The following EPB41 variants were observed in gnomAD, a reference collection of about 807,000 sequenced individuals.
EPB41 encodes the protein protein 4.1.
EPB41 carries 65 observed loss-of-function variants against 108.0 expected under a neutral mutation model. The observed-to-expected ratio is 0.60, with a 90% confidence interval of 0.49 to 0.74. The LOEUF (loss-of-function observed/expected upper bound fraction) is 0.74. Ranked by LOEUF, EPB41 falls within the 30% of genes least tolerant of loss-of-function variation. EPB41 has a pLI of 0.00. For synonymous variants in EPB41, 336 were observed against 358.9 expected (o/e 0.94, Z 0.72); for missense variants, 875 against 1,037.0 (o/e 0.84, Z 2.15).
At chr1:28,908,491 G>T (rs1219779367) in intron 1 of EPB41, among the ~76,000 whole-genome samples, 1 of 150,942 alleles carries the variant, frequency 6.6e-6, no homozygotes, top group Non-Finnish European at 1.5e-5. Flanking sequence ...GAGTGCAGTG[G>T]CATGATCTCG....
rs114555150 is a variant in EPB41, at chr1:28,926,504, A to G, written c.-8+11736A>G. 7.5e-3 allele frequency among the ~76,000 whole-genome samples: 1,136 copies of G among 152,350 alleles called. 5 individuals are homozygous for G. The highest frequency in any genetic ancestry group is 0.011 in the Non-Finnish European group (715 of 68,028). On this transcript the variant is annotated intron_variant, in intron 1 of 20. Coordinates refer to ENST00000343067, the MANE Select transcript of EPB41 (RefSeq NM_001376013.1). Reference sequence around the variant, plus strand: ...TTCAAAGCCAGTATTTTTTACGACTATACCTTTACTTATGTCCATGAGTGG... The same window carrying G: ...TTCAAAGCCAGTATTTTTTACGACTGTACCTTTACTTATGTCCATGAGTGG...
At chr1:28,986,459 A>G (rs554877492) in intron 1 of EPB41, among the ~76,000 whole-genome samples, 1 of 152,302 alleles carries the variant, frequency 6.6e-6, no homozygotes, top group East Asian at 1.9e-4. Context: ...TGTTTGAAAT[A>G]TGTAAGGTCA....
intron 5 of EPB41, among the ~76,000 whole-genome samples, 194 bp from the exon 6 acceptor site, chr1:29,015,498 G>A (rs1430547004): frequency 6.6e-6 from 1 of 151,798 alleles, no homozygotes; most frequent in Non-Finnish European, 1.5e-5. Context: ...TGGAGGTTGT[G>A]GTGAGCAGAG....
chr1:29,091,287 A>G (rs1005340709), intron 16 of EPB41, among the ~76,000 whole-genome samples: 20 of 152,284 alleles, frequency 1.3e-4, no homozygotes, highest in African/African-American at 4.8e-4. Context: ...AGTTGTGACA[A>G]ATTATTTGAA....
chr1:29,096,280 G>A (rs892731306), intron 16 of EPB41: 13 of 985,840 alleles, frequency 1.3e-5, no homozygotes, highest in African/African-American at 1.7e-5. Context: ...TGACCACCTC[G>A]TCGGAGTCTC....
chr1:29,069,234 A>T, intron 16 of EPB41: 1 of 1,231,656 alleles, frequency 8.1e-7, no homozygotes, highest in Non-Finnish European at 1.0e-6. Context: ...TGAACTTCCA[A>T]ACTGATCAGA....
upstream of EPB41, chr1:28,911,054 G>C: frequency 1.0e-6 from 1 of 985,344 alleles, no homozygotes; most frequent in Non-Finnish European, 1.2e-6. Context: ...AGGGTGAGCT[G>C]GGACTGGATA....
intron 2 of EPB41, among the ~76,000 whole-genome samples, chr1:28,993,088 C>T (rs1381919708): frequency 1.3e-5 from 2 of 152,190 alleles, no homozygotes; most frequent in East Asian, 1.9e-4. Flanking sequence ...TGGTATCCTC[C>T]GGTTTACCTG....
chr1:28,908,172 C>T (rs949936324), intron 1 of EPB41, among the ~76,000 whole-genome samples: 4 of 151,760 alleles, frequency 2.6e-5, no homozygotes, highest in African/African-American at 9.7e-5. Context: ...GAGGCCGAGT[C>T]GGGCAGATCA....
In EPB41 at chr1:28,968,354, AAAACAAAC is replaced by A. The variant is rs373567645; in HGVS notation, c.-7-19057_-7-19050del. 8.5e-4 allele frequency among the ~76,000 whole-genome samples: 130 copies of A among 152,114 alleles called. 1 individual carries two copies. In the Middle Eastern group the frequency reaches 0.017, roughly 20 times the overall value. On this transcript the variant is annotated intron_variant, in intron 1 of 20. Coordinates refer to ENST00000343067, the MANE Select transcript of EPB41 (RefSeq NM_001376013.1). ...TAGCGATAGAGCAAGACTCCATCTC[AAAACAAAC>A]AAACAAACAAACAAACAAAACTCTG...
At chr1:29,060,989 G>A (rs998079436) in intron 15 of EPB41, among the ~76,000 whole-genome samples, 9 of 152,110 alleles carry the variant, frequency 5.9e-5, no homozygotes, top group African/African-American at 1.9e-4. Flanking sequence ...GGGGAGCCTA[G>A]CATTTAATAA....
At chr1:28,952,074 A>C (rs951385094) in intron 1 of EPB41, among the ~76,000 whole-genome samples, 4 of 152,200 alleles carry the variant, frequency 2.6e-5, no homozygotes, top group African/African-American at 9.6e-5. Flanking sequence ...GGGTAGGGTT[A>C]GAGGAAAAAC....
intron 16 of EPB41, among the ~76,000 whole-genome samples, chr1:29,089,904 G>A (rs955962487): frequency 2.0e-5 from 3 of 152,116 alleles, no homozygotes; most frequent in Admixed American, 6.6e-5. Flanking sequence ...TGAGAAAGAA[G>A]GAAGGAAGAA....
At chr1:29,111,383 G>A (rs1047424731) in intron 18 of EPB41, among the ~76,000 whole-genome samples, 3 of 151,664 alleles carry the variant, frequency 2.0e-5, no homozygotes, top group South Asian at 2.1e-4. Context: ...CAGGCTGGGC[G>A]CGGTGGCTCA....
At chr1:28,981,401 G>A (rs1190705115) in intron 1 of EPB41, among the ~76,000 whole-genome samples, 2 of 152,178 alleles carry the variant, frequency 1.3e-5, no homozygotes, top group South Asian at 2.1e-4. Flanking sequence ...ATTCTCTGAG[G>A]AGAGCCATGC....
At chr1:29,002,915 A>C (rs913080365) in intron 4 of EPB41, among the ~76,000 whole-genome samples, 2 of 152,198 alleles carry the variant, frequency 1.3e-5, no homozygotes, top group East Asian at 3.9e-4. Context: ...TTCTTGTTAA[A>C]CTGACTCAGG....
chr1:28,947,402 G>A (rs948156844), intron 1 of EPB41, among the ~76,000 whole-genome samples: 4 of 132,190 alleles, frequency 3.0e-5, no homozygotes, highest in South Asian at 2.6e-4. Context: ...GCGAGACTCC[G>A]TCTCAGACAA....
intron 17 of EPB41, among the ~76,000 whole-genome samples, chr1:29,106,564 A>ACTTTTTTTTT (rs1233211329): frequency 2.0e-5 from 1 of 50,882 alleles, no homozygotes; most frequent in African/African-American, 8.5e-5. Flanking sequence ...AGTAGCTGGG[A>ACTTTTTTTTT]TTTTTTTTTT....
chr1:29,114,723 C>T (rs1670329999), intron 19 of EPB41, among the ~76,000 whole-genome samples: 3 of 151,384 alleles, frequency 2.0e-5, no homozygotes, highest in Admixed American at 1.3e-4. Context: ...TCAGTTTCCT[C>T]ACCTATAAAA....
Sources: allele counts gnomAD v4.1 joint callset (sites outside exome capture counted in the v4.1 genomes callset), GRCh38; gene constraint gnomAD v4.1.1; transcripts MANE v1.5; gene names NCBI Gene and HGNC (gene_info 2026-07-23, HGNC 2026-07-21).